CFAP20DC: variants seen among roughly 807,000 people sequenced by gnomAD.
CFAP20DC encodes the protein CFAP20 domain containing.
A neutral mutation model predicts 101.7 loss-of-function variants in CFAP20DC; 84 were observed. The ratio of observed to expected loss-of-function variants is 0.83; its 90% confidence interval spans 0.69 to 0.99. CFAP20DC has a LOEUF of 0.99. Ranked by LOEUF, CFAP20DC falls within the 50% of genes least tolerant of loss-of-function variation. CFAP20DC has a pLI of 0.00. For missense variants in CFAP20DC, 1,007 were observed against 970.3 expected, an observed-to-expected ratio of 1.04 and a Z score of -0.50; for synonymous variants, 359 against 351.2, an observed-to-expected ratio of 1.02 and a Z score of -0.25.
chr3:59,026,440 A>T (rs2093894299), intron 4 of CFAP20DC, among the ~76,000 whole-genome samples: 1 of 152,174 alleles, frequency 6.6e-6, no homozygotes, highest in Admixed American at 6.5e-5. Flanking sequence ...AAAAGCTACA[A>T]AGCAACCACT....
At position 58,863,685 on chromosome 3, in the gene CFAP20DC, T is replaced by C. The variant is rs769497519; in HGVS notation, c.1466A>G (p.His489Arg). The change falls in exon 12 of 17, where the codon CAT becomes CGT. Residue 489 changes from histidine to arginine, a missense_variant. By Grantham distance (29) the His-to-Arg change is conservative. Transcript: ENST00000482387. The surrounding 1 kb of genome is among the most constrained non-coding windows in gnomAD (Gnocchi z 5.9). ...TFSSRPRSAPHGKTQTMSPEE... is the reference protein window; with the variant it reads ...TFSSRPRSAPRGKTQTMSPEE... ...TGGGGACATAGTCTGAGTCTTTCCA[T>C]GAGGTGCTGATCGTGGTCTTGATGA... The C allele has an allele frequency of 4.3e-5, 69 of 1,613,832 alleles. No individual in the cohort carries two copies. The highest frequency in any genetic ancestry group is 1.5e-4 in the Admixed American group (9 of 59,998).
At chr3:58,718,826 A>G (rs2067431026) in intron 3 of CFAP20DC, among the ~76,000 whole-genome samples, 1 of 152,182 alleles carries the variant, frequency 6.6e-6, no homozygotes, top group South Asian at 2.1e-4. Context: ...TTATATACTG[A>G]TCTCTTCTCC....
chr3:58,779,918 T>G (rs1330618543), intron 15 of CFAP20DC, among the ~76,000 whole-genome samples: 5 of 151,906 alleles, frequency 3.3e-5, no homozygotes, highest in Non-Finnish European at 5.9e-5. Context: ...TAGTAAAAAA[T>G]GTCAAAAATC....
At chr3:58,800,161 G>T (rs2073581676) in intron 15 of CFAP20DC, among the ~76,000 whole-genome samples, 1 of 152,278 alleles carries the variant, frequency 6.6e-6, no homozygotes, top group East Asian at 1.9e-4. Flanking sequence ...TTTACAAGGG[G>T]CAATGCCTGC....
chr3:58,812,675 T>C (rs2074759259), intron 14 of CFAP20DC, among the ~76,000 whole-genome samples: 1 of 151,664 alleles, frequency 6.6e-6, no homozygotes, highest in Non-Finnish European at 1.5e-5. Flanking sequence ...CTGCACATTG[T>C]GCACATGTAC....
chr3:58,761,966 C>T (rs1055960861), intron 15 of CFAP20DC, among the ~76,000 whole-genome samples: 3 of 151,980 alleles, frequency 2.0e-5, no homozygotes, highest in African/African-American at 7.3e-5. Flanking sequence ...ACTATGTGGT[C>T]AATTTTGGAA....
chr3:58,743,884 C>T (rs1292583007), intron 16 of CFAP20DC, among the ~76,000 whole-genome samples: 1 of 152,112 alleles, frequency 6.6e-6, no homozygotes, highest in Non-Finnish European at 1.5e-5. Context: ...ACTCCTCTGC[C>T]CACTTTTCTC....
intron 15 of CFAP20DC, among the ~76,000 whole-genome samples, chr3:58,767,604 G>C (rs1044620122): frequency 2.0e-5 from 3 of 152,052 alleles, no homozygotes; most frequent in Admixed American, 1.3e-4. Context: ...ATGTTTCCCA[G>C]CCTGGACTCT....
At chr3:58,763,207 T>A (rs2107398921) in intron 15 of CFAP20DC, among the ~76,000 whole-genome samples, 1 of 152,354 alleles carries the variant, frequency 6.6e-6, no homozygotes, top group African/African-American at 2.4e-5. Flanking sequence ...TTTCACATAG[T>A]CCCATATTTC....
At chr3:59,023,995 C>G (rs186563662) in intron 4 of CFAP20DC, among the ~76,000 whole-genome samples, 3 of 152,158 alleles carry the variant, frequency 2.0e-5, no homozygotes, top group Admixed American at 2.0e-4. Context: ...TTTGAAGTAA[C>G]AGAGGGGATT....
At chr3:58,771,387 CTTAAAGT>C (rs1410202214) in intron 15 of CFAP20DC, among the ~76,000 whole-genome samples, 2 of 151,730 alleles carry the variant, frequency 1.3e-5, no homozygotes, top group East Asian at 1.9e-4. Context: ...TAACCCAGAA[CTTAAAGT>C]ATAATAAAAA....
At chr3:59,021,929 T>C (rs1404878944) in intron 4 of CFAP20DC, among the ~76,000 whole-genome samples, 1 of 152,096 alleles carries the variant, frequency 6.6e-6, no homozygotes, top group Non-Finnish European at 1.5e-5. Flanking sequence ...TCTTTTTACT[T>C]GAAATAATAT....
chr3:58,771,286 A>C (rs372003652), intron 15 of CFAP20DC, among the ~76,000 whole-genome samples: 162 of 152,268 alleles, frequency 1.1e-3, no homozygotes, highest in African/African-American at 3.7e-3. Flanking sequence ...ACATTAGGAG[A>C]AATACCTAAT....
chr3:58,843,560 G>C (rs1446846888), intron 13 of CFAP20DC, among the ~76,000 whole-genome samples: 2 of 151,986 alleles, frequency 1.3e-5, no homozygotes, highest in Non-Finnish European at 2.9e-5. Context: ...AAGTAATGGG[G>C]AGAATGGAAC....
At chr3:58,759,747 A>C (rs535944925) in intron 15 of CFAP20DC, among the ~76,000 whole-genome samples, 1 of 152,300 alleles carries the variant, frequency 6.6e-6, no homozygotes, top group South Asian at 2.1e-4. Flanking sequence ...TCAGCTTTCT[A>C]CATATGGCTA....
chr3:58,900,731 T>G (rs2083075920), intron 6 of CFAP20DC, among the ~76,000 whole-genome samples: 1 of 152,200 alleles, frequency 6.6e-6, no homozygotes, highest in African/African-American at 2.4e-5. Context: ...AACCAGATGG[T>G]GGGTTTCTTG....
intron 10 of CFAP20DC, among the ~76,000 whole-genome samples, chr3:58,867,355 A>C (rs1453317789): frequency 6.6e-6 from 1 of 152,196 alleles, no homozygotes; most frequent in Non-Finnish European, 1.5e-5. Context: ...TACCAGTTGC[A>C]AAGAGTTTAA....
chr3:58,798,558 A>T (rs2073427764), intron 15 of CFAP20DC, among the ~76,000 whole-genome samples: 1 of 152,228 alleles, frequency 6.6e-6, no homozygotes. Context: ...AAGTATTTGA[A>T]ATATTACATA....
intron 15 of CFAP20DC, among the ~76,000 whole-genome samples, chr3:58,796,959 T>A (rs1299845023): frequency 1.3e-5 from 2 of 152,304 alleles, no homozygotes; most frequent in East Asian, 3.9e-4. Flanking sequence ...AGATGGCAAA[T>A]TTAGTAAATG....
Sources: gnomAD v4.1 joint callset for allele counts (sites outside exome capture counted in the v4.1 genomes callset) on GRCh38, gnomAD v4.1.1 for gene constraint, Gnocchi (gnomAD v3.1) non-coding constraint, MANE v1.5 for transcripts, NCBI Gene and HGNC (gene_info 2026-07-23, HGNC 2026-07-21) for gene names.